Variants in CBFA2T3 observed in about 807,000 individuals in gnomAD.
CBFA2T3 encodes the protein CBFA2/RUNX1 partner transcriptional co-repressor 3, also known as transcriptional corepressor CBFA2T3.
Under a neutral mutation model 58.6 loss-of-function variants are expected in CBFA2T3, and 31 were observed. The ratio of observed to expected loss-of-function variants is 0.53; its 90% CI spans 0.40 to 0.71. CBFA2T3 has a LOEUF of 0.71. Among genes scored for constraint, CBFA2T3 ranks in the 30% least tolerant of loss-of-function variants. CBFA2T3 has a pLI of 0.00. For missense variants in CBFA2T3, 1,076 were observed against 963.1 expected (o/e 1.12, Z -1.55); for synonymous variants, 531 against 421.9 (o/e 1.26, Z -3.17).
chr16:88,920,834 C>T (rs1358366419), intron 1 of CBFA2T3, among the ~76,000 whole-genome samples: 1 of 152,220 alleles, frequency 6.6e-6, no homozygotes, highest in Non-Finnish European at 1.5e-5. Context: ...CCAGCCAGGC[C>T]CACCTGAGGC....
Position 88,876,230 on chromosome 16 carries a change from T to C in CBFA2T3, c.*746A>G, listed in dbSNP as rs1457591582. 8.7e-6 allele frequency: 2 copies of C among 230,408 alleles called. No homozygotes were observed. Among genetic ancestry groups the C allele is most frequent in the African/African-American group, 4.4e-5 (2 of 45,134 alleles). The allele number at this position is 230,408 out of a possible 1,614,324, so 14.3% of individuals were successfully genotyped here. On this transcript the variant is annotated 3_prime_UTR_variant, in exon 12 of 12. Transcript: ENST00000268679. ...CAAGGTAGTTCACAAGTATGCTTCC[T>C]TTGCTTTTTTAAAAAAACTTTTTGG...
At chr16:88,961,216 G>A (rs1405613340) in intron 1 of CBFA2T3, among the ~76,000 whole-genome samples, 1 of 152,176 alleles carries the variant, frequency 6.6e-6, no homozygotes, top group Non-Finnish European at 1.5e-5. Context: ...GCCAGAGCCC[G>A]TGAGAGGTGG....
chr16:88,937,585 C>T (rs1001447441), intron 1 of CBFA2T3: 1 of 152,300 alleles, frequency 6.6e-6, no homozygotes, highest in African/African-American at 2.4e-5. Flanking sequence ...GTGGTACCCA[C>T]CCGCGTCGGG....
chr16:88,963,964 G>A (rs1430605426), intron 1 of CBFA2T3, among the ~76,000 whole-genome samples: 1 of 152,232 alleles, frequency 6.6e-6, no homozygotes, highest in Non-Finnish European at 1.5e-5. Flanking sequence ...TGCATCTTGA[G>A]AAAGAGAAGA....
At chr16:88,901,053 C>T (rs1970079133) in intron 2 of CBFA2T3, among the ~76,000 whole-genome samples, 1 of 152,250 alleles carries the variant, frequency 6.6e-6, no homozygotes, top group Admixed American at 6.5e-5. Flanking sequence ...CTCCACGGGG[C>T]CTGTACGCAG....
rs1597809019 is a variant in CBFA2T3 at position 88,977,145 on chromosome 16, T to C, written c.-338A>G. 1.9e-5 allele frequency: 6 copies of C among 310,168 alleles called. No individual in the cohort carries two copies. In the East Asian group the frequency reaches 2.9e-4, roughly 15 times the overall value. The allele number at this position is 310,168 out of a possible 1,614,324, so 19.2% of individuals were successfully genotyped here. The stretch of plus-strand genomic sequence containing the variant: ...GGAGGCCTGCAGCTGCGCCCGCCAC[T>C]TCCCTGACAGGAACCATCTGGGGCC... On this transcript the variant is annotated 5_prime_UTR_variant, in exon 1 of 12. Transcript: ENST00000268679.
intron 7 of CBFA2T3, chr16:88,883,940 G>C (rs1287870414): frequency 1.3e-5 from 2 of 152,248 alleles, no homozygotes; most frequent in African/African-American, 2.4e-5. Flanking sequence ...GCCCTTTTCA[G>C]CCCCTAAAGA....
At chr16:88,932,210 CGGCCCCCGCTTCCCCCTCACAT>C (rs1260355696) in intron 1 of CBFA2T3, among the ~76,000 whole-genome samples, 3,855 of 117,690 alleles carry the variant, frequency 0.033, 277 homozygotes, top group African/African-American at 0.11. Flanking sequence ...CCCCCTCACA[CGGCCCCCGCTTCCCCCTCACAT>C]GGCCCCCGCT....
At chr16:88,932,673 C>T (rs112803087) in intron 1 of CBFA2T3, among the ~76,000 whole-genome samples, 4,916 of 147,612 alleles carry the variant, frequency 0.033, 267 homozygotes, top group African/African-American at 0.12. Context: ...AGAGGCAGGG[C>T]GCGGTGGTTC....
intron 1 of CBFA2T3, among the ~76,000 whole-genome samples, chr16:88,972,176 G>A (rs1972671934): frequency 6.7e-6 from 1 of 149,494 alleles, no homozygotes; most frequent in African/African-American, 2.4e-5. Context: ...CATTCCAGCA[G>A]CCACTGAGGC....
At chr16:88,916,282 G>A (rs1970723868) in intron 1 of CBFA2T3, among the ~76,000 whole-genome samples, 1 of 151,210 alleles carries the variant, frequency 6.6e-6, no homozygotes, top group South Asian at 2.1e-4. Flanking sequence ...CTGTGTATAT[G>A]CACTTACATA....
intron 3 of CBFA2T3, 117 bp from the exon 4 acceptor site, chr16:88,892,602 A>C: frequency 8.5e-7 from 1 of 1,179,992 alleles, no homozygotes; most frequent in Non-Finnish European, 1.2e-6. Flanking sequence ...GACGGCAACA[A>C]TGATGAGACA....
chr16:88,900,611 G>A (rs1236478809), intron 2 of CBFA2T3, among the ~76,000 whole-genome samples: 1 of 152,166 alleles, frequency 6.6e-6, no homozygotes, highest in Non-Finnish European at 1.5e-5. Flanking sequence ...AGAGCCTGGG[G>A]AGGGTCCCCC....
chr16:88,900,584 G>A (rs2142634055), intron 2 of CBFA2T3, among the ~76,000 whole-genome samples: 1 of 152,294 alleles, frequency 6.6e-6, no homozygotes, highest in Middle Eastern at 3.4e-3. Flanking sequence ...CCCAGAGAGG[G>A]GCTTCGTTTG....
intron 5 of CBFA2T3, chr16:88,886,994 T>A (rs1969405997): frequency 6.6e-6 from 1 of 152,272 alleles, no homozygotes; most frequent in Non-Finnish European, 1.5e-5. Flanking sequence ...TCGGGTGCCT[T>A]CCCCAAAGTC....
At chr16:88,893,412 A>G (rs2142591506) in intron 3 of CBFA2T3, among the ~76,000 whole-genome samples, 1 of 151,976 alleles carries the variant, frequency 6.6e-6, no homozygotes, top group African/African-American at 2.4e-5. Flanking sequence ...AATGTCCCAG[A>G]CAGGTGACTC....
intron 11 of CBFA2T3, 46 bp from the exon 12 acceptor site, chr16:88,877,321 G>A (rs577138972): frequency 1.0e-5 from 15 of 1,475,512 alleles, no homozygotes; most frequent in East Asian, 5.1e-5. Flanking sequence ...CTGGCCACCC[G>A]AATCCCCAAC....
chr16:88,935,137 T>C (rs1219831075), intron 1 of CBFA2T3, among the ~76,000 whole-genome samples: 1 of 152,186 alleles, frequency 6.6e-6, no homozygotes, highest in Non-Finnish European at 1.5e-5. Context: ...CCAAGGCCCC[T>C]GTTCTGTCCA....
At chr16:88,957,401 G>T (rs574382452) in intron 1 of CBFA2T3, among the ~76,000 whole-genome samples, 2 of 152,354 alleles carry the variant, frequency 1.3e-5, no homozygotes, top group South Asian at 4.1e-4. Context: ...ACCTGACTCG[G>T]GATAACAGTG....
Sources: gnomAD v4.1 joint callset for allele counts (sites outside exome capture counted in the v4.1 genomes callset) on GRCh38, gnomAD v4.1.1 for gene constraint, MANE v1.5 for transcripts, NCBI Gene and HGNC (gene_info 2026-07-23, HGNC 2026-07-21) for gene names.